RABGAP1: variants seen among roughly 807,000 people sequenced by gnomAD.
The protein encoded by RABGAP1 is RAB GTPase activating protein 1.
A neutral mutation model predicts 137.6 loss-of-function variants in RABGAP1; 23 were observed. The observed-to-expected ratio is 0.17, with a 90% CI of 0.12 to 0.24. The LOEUF (loss-of-function observed/expected upper bound fraction) is 0.24, where lower values mean the gene tolerates loss of function less well. Among genes scored for constraint, RABGAP1 ranks in the 10% least tolerant of loss-of-function variants. The probability of loss-of-function intolerance (pLI) is 1.00; values close to 1 mark genes in which losing one functional copy is unlikely to be tolerated. For missense variants in RABGAP1, 906 were observed against 1,275.8 expected, an observed-to-expected ratio of 0.71 and a Z score of 4.42; for synonymous variants, 451 against 450.7, an observed-to-expected ratio of 1.00 and a Z score of -0.01.
intron 1 of RABGAP1, among the ~76,000 whole-genome samples, chr9:122,942,698 AC>A (rs1160082722): frequency 1.3e-5 from 2 of 151,420 alleles, no homozygotes; most frequent in Non-Finnish European, 2.9e-5. Context: ...ACACAAAAAA[AC>A]AAAATAGGGA....
chr9:123,007,958 C>A (rs2030448177), intron 10 of RABGAP1, among the ~76,000 whole-genome samples: 1 of 147,634 alleles, frequency 6.8e-6, no homozygotes, highest in Non-Finnish European at 1.5e-5. Context: ...AATTTAAAAC[C>A]TATGTTTAAA....
At chr9:123,076,382 T>C in intron 18 of RABGAP1, 96 bp downstream of exon 18, 1 of 1,299,304 alleles carries the variant, frequency 7.7e-7, no homozygotes, top group Non-Finnish European at 1.1e-6. Context: ...CACTGTGCAC[T>C]AGCATTACCC....
In RABGAP1 at chr9:123,074,332, A is replaced by G. The variant is rs2132152467; in HGVS notation, c.2157A>G (p.Glu719=). ...LYNHFLDISL[E]AHMYASQWFL... ...ACCACTTCCTGGATATAAGCCTTGAAGCACACATGTATGCCTCCCAGTGGT... is the reference window on the plus strand; with the variant it reads ...ACCACTTCCTGGATATAAGCCTTGAGGCACACATGTATGCCTCCCAGTGGT... The change falls in exon 17 of 26, where the codon GAA becomes GAG. Residue 719 remains glutamate (E), a synonymous_variant. Transcript: ENST00000373647. 1 of 1,613,844 alleles carries G rather than the reference A, an allele frequency of 6.2e-7. No homozygotes were observed. The highest frequency in any genetic ancestry group is 1.1e-5 in the South Asian group (1 of 91,056).
intron 4 of RABGAP1, 34 bp downstream of exon 4, chr9:122,986,453 A>G (rs1464913926): frequency 1.9e-6 from 3 of 1,586,758 alleles, no homozygotes; most frequent in Admixed American, 3.3e-5. Context: ...TTCGATATTT[A>G]CATCAGATCT....
chr9:122,949,073 C>T (rs7039725), intron 1 of RABGAP1, among the ~76,000 whole-genome samples: 16,538 of 152,124 alleles, frequency 0.11, 2,911 homozygotes, highest in African/African-American at 0.37. Context: ...ATCAATATAG[C>T]GGAGTAGAAA....
At chr9:123,022,893 A>T (rs2031732855) in intron 13 of RABGAP1, among the ~76,000 whole-genome samples, 1 of 152,236 alleles carries the variant, frequency 6.6e-6, no homozygotes, top group East Asian at 1.9e-4. Context: ...ATGGTAATTG[A>T]CATCTTTTAA....
intron 11 of RABGAP1, among the ~76,000 whole-genome samples, chr9:123,012,871 C>T (rs550243868): frequency 9.8e-5 from 15 of 152,328 alleles, no homozygotes; most frequent in African/African-American, 3.6e-4. Flanking sequence ...CTCCCTAACG[C>T]AGTGTACAAA....
At chr9:122,977,158 A>G (rs1835804215) in intron 2 of RABGAP1, among the ~76,000 whole-genome samples, 1 of 152,232 alleles carries the variant, frequency 6.6e-6, no homozygotes, top group Admixed American at 6.5e-5. Flanking sequence ...ACTGGCAATT[A>G]TAAGTTGAAT....
intron 14 of RABGAP1, among the ~76,000 whole-genome samples, chr9:123,068,426 C>G (rs1475703075): frequency 2.0e-5 from 3 of 151,678 alleles, no homozygotes; most frequent in Non-Finnish European, 4.4e-5. Flanking sequence ...CTGACTAACT[C>G]TAAAGCCTCT....
chr9:122,984,529 A>C lies in RABGAP1; in HGVS notation c.195A>C (p.Ala65=). The change falls in exon 3 of 26, where the codon GCA becomes GCC. Residue 65 remains alanine (A), a synonymous_variant. Transcript: ENST00000373647. The part of the protein sequence containing the change: ...GSEQQLQKEL[A]DVLMDPPMDD... ...AACAGCAGCTGCAAAAAGAGCTAGC[A>C]GATGTACTGATGGATCCTCCAATGG... is the stretch of plus-strand genomic sequence containing the variant. The C allele has an allele frequency of 6.2e-7, 1 of 1,614,208 alleles. No homozygotes were observed.
intron 19 of RABGAP1, among the ~76,000 whole-genome samples, chr9:123,084,631 C>G (rs1053161212): frequency 5.3e-5 from 8 of 152,160 alleles, no homozygotes; most frequent in African/African-American, 1.9e-4. Flanking sequence ...TAAAATGGCT[C>G]TTTGTTTGCA....
At position 123,060,176 on chromosome 9, in the gene RABGAP1, C is replaced by G. The variant is rs142616050; in HGVS notation, c.1795-5172C>G. Among the ~76,000 whole-genome samples the G allele has an allele frequency of 3.9e-5, 6 of 152,308 alleles. No individual in the cohort carries two copies. In the East Asian group the frequency reaches 1.2e-3, roughly 29 times the overall value. On this transcript the variant is annotated intron_variant, in intron 13 of 25. Coordinates refer to ENST00000373647, the MANE Select transcript of RABGAP1 (RefSeq NM_012197.4). ...GTATAATTTACATACAATAAACATA[C>G]ACCTTATGTGTTCATTTTGATGAGT...
chr9:123,010,287 A>G, intron 10 of RABGAP1, 67 bp from the exon 11 acceptor site: 4 of 1,386,728 alleles, frequency 2.9e-6, no homozygotes, highest in Non-Finnish European at 3.9e-6. Flanking sequence ...AACATTAAAA[A>G]CACTGCAATT....
intron 13 of RABGAP1, among the ~76,000 whole-genome samples, chr9:123,032,677 A>G (rs1049211573): frequency 6.6e-6 from 1 of 152,148 alleles, no homozygotes; most frequent in Non-Finnish European, 1.5e-5. Context: ...ATTGTCTTTT[A>G]TTCTGCTGGA....
intron 1 of RABGAP1, among the ~76,000 whole-genome samples, chr9:122,945,146 G>GTTTTTTTTTTTTTTT (rs1564348056): frequency 1.1e-4 from 1 of 9,182 alleles, no homozygotes; most frequent in African/African-American, 1.7e-4. Context: ...CATAGCTGTT[G>GTTTTTTTTTTTTTTT]CTTTTTTTTT....
chr9:123,092,569 T>A (rs116689476), intron 21 of RABGAP1, among the ~76,000 whole-genome samples: 1 of 152,122 alleles, frequency 6.6e-6, no homozygotes, highest in East Asian at 1.9e-4. Flanking sequence ...GCTTTTTTTT[T>A]ACAGTGCCAG....
chr9:123,050,883 T>G (rs1267130043), intron 13 of RABGAP1, among the ~76,000 whole-genome samples: 1 of 152,176 alleles, frequency 6.6e-6, no homozygotes, highest in Non-Finnish European at 1.5e-5. Flanking sequence ...ATGGGGACAC[T>G]GAGTAAAGTG....
intron 2 of RABGAP1, among the ~76,000 whole-genome samples, chr9:122,969,125 G>T (rs1023205403): frequency 5.3e-5 from 8 of 152,086 alleles, no homozygotes; most frequent in African/African-American, 1.9e-4. Context: ...TATTTTTATT[G>T]TACCTTTTCT....
chr9:122,942,044 T>C (rs1306160961), intron 1 of RABGAP1, among the ~76,000 whole-genome samples: 1 of 152,268 alleles, frequency 6.6e-6, no homozygotes, highest in Non-Finnish European at 1.5e-5. Context: ...GAAAAAAACC[T>C]GTTAGGGACA....
Sources: gnomAD v4.1 joint callset for allele counts (sites outside exome capture counted in the v4.1 genomes callset) on GRCh38, gnomAD v4.1.1 for gene constraint, MANE v1.5 for transcripts, NCBI Gene and HGNC (gene_info 2026-07-23, HGNC 2026-07-21) for gene names.